KLHL3: variants seen among roughly 807,000 people sequenced by gnomAD.
KLHL3 encodes kelch-like protein 3.
In KLHL3, 19 loss-of-function variants were observed where a neutral mutation model predicts 70.5. The ratio of observed to expected loss-of-function variants is 0.27; its 90% CI spans 0.19 to 0.40. The LOEUF (loss-of-function observed/expected upper bound fraction) is 0.40, where lower values mean the gene tolerates loss of function less well. Ranked by LOEUF, KLHL3 falls within the 10% of genes least tolerant of loss-of-function variation. KLHL3 has a pLI of 1.00. For synonymous variants in KLHL3, 258 were observed against 290.3 expected (o/e 0.89, Z 1.13); for missense variants, 512 against 771.1 (o/e 0.66, Z 3.98).
In KLHL3 at chr5:137,622,196, T is replaced by C. The variant is rs140916372; in HGVS notation, c.1736-70A>G. ...ATTACTCAGAGTCCCAGTGAGTTCA[T>C]GAATCCAAGATATCCTGAGTCACAG... On this transcript the variant is annotated intron_variant, in intron 14 of 14. Coordinates refer to ENST00000309755, the MANE Select transcript of KLHL3 (RefSeq NM_017415.3). The C allele has an allele frequency of 8.1e-4, 1,254 of 1,540,338 alleles. 9 individuals are homozygous for C. The African/African-American group carries it at 0.015, about 19-fold the overall frequency.
intron 8 of KLHL3, among the ~76,000 whole-genome samples, chr5:137,657,233 G>A (rs1386989106): frequency 6.6e-6 from 1 of 152,172 alleles, no homozygotes; most frequent in African/African-American, 2.4e-5. Flanking sequence ...GGAAAGAGGA[G>A]GAGGAGGACA....
At chr5:137,673,282 C>T (rs1348420141) in intron 6 of KLHL3, among the ~76,000 whole-genome samples, 2 of 152,182 alleles carry the variant, frequency 1.3e-5, no homozygotes, top group East Asian at 3.8e-4. Flanking sequence ...TTGCAATTTC[C>T]TGTCCAGCCT....
chr5:137,730,561 G>C (rs1467903251), intron 1 of KLHL3, among the ~76,000 whole-genome samples: 1 of 152,130 alleles, frequency 6.6e-6, no homozygotes, highest in South Asian at 2.1e-4. Context: ...CTCAAGAACA[G>C]GTATGTTACT....
intron 12 of KLHL3, among the ~76,000 whole-genome samples, chr5:137,632,617 A>T (rs946516070): frequency 1.3e-5 from 2 of 152,208 alleles, no homozygotes; most frequent in Admixed American, 6.5e-5. Flanking sequence ...TATGACTAAG[A>T]TGCCAAACGG....
At chr5:137,642,877 A>C (rs1023127562) in intron 8 of KLHL3, among the ~76,000 whole-genome samples, 1 of 152,216 alleles carries the variant, frequency 6.6e-6, no homozygotes, top group African/African-American at 2.4e-5. Flanking sequence ...TAAAAAAAAA[A>C]AAAGGCAAAG....
rs1751919119 is a variant in KLHL3, at chr5:137,677,674, A to AG, written c.527-21_527-20insC. The AG allele has an allele frequency of 1.4e-6, 2 of 1,459,366 alleles. No individual in the cohort carries two copies. Among genetic ancestry groups the AG allele is most frequent in the East Asian group, 2.4e-5 (1 of 42,496 alleles). 90.4% of individuals were successfully genotyped at this position (1,459,366 alleles called of 1,614,324 possible). ...GCTGCTCTGTTCCAAAAAAAAAAAAAAGAAGTTAAGAAAACAAAGTTGTAA... is the reference window on the plus strand; with the variant it reads ...GCTGCTCTGTTCCAAAAAAAAAAAAAGAGAAGTTAAGAAAACAAAGTTGTAA... On this transcript the variant is annotated intron_variant, in intron 5 of 14. Coordinates refer to ENST00000309755, the MANE Select transcript of KLHL3 (RefSeq NM_017415.3).
intron 3 of KLHL3, chr5:137,706,295 A>C (rs541717903): frequency 4.1e-6 from 4 of 985,348 alleles, no homozygotes; most frequent in Non-Finnish European, 4.8e-6. Context: ...TCAGCCTCTT[A>C]CTCTCAGTAC....
rs1750443163 is a variant in KLHL3 at position 137,625,735 on chromosome 5, G to A, written c.1735+18C>T. 12 of 1,613,880 alleles carry A rather than the reference G, an allele frequency of 7.4e-6. No individual in the cohort carries two copies. The East Asian group carries it at 1.8e-4, about 24-fold the overall frequency. ...GTTGGAGGCCTCTCGGATGGGCATG[G>A]AGATGGCACACACTGACCTGCATAG... On this transcript the variant is annotated intron_variant, in intron 14 of 14. Transcript: ENST00000309755.
intron 6 of KLHL3, among the ~76,000 whole-genome samples, chr5:137,666,519 A>G (rs1376488289): frequency 6.6e-6 from 1 of 152,228 alleles, no homozygotes; most frequent in Non-Finnish European, 1.5e-5. Context: ...TTAAGCGGGT[A>G]GCATTTATTG....
chr5:137,679,401 A>G (rs1243502872), intron 5 of KLHL3, among the ~76,000 whole-genome samples: 3 of 152,228 alleles, frequency 2.0e-5, no homozygotes, highest in African/African-American at 4.8e-5. Flanking sequence ...AGAGTCCTGC[A>G]AACCAGCACC....
intron 5 of KLHL3, among the ~76,000 whole-genome samples, chr5:137,679,007 A>G (rs1393003358): frequency 6.6e-6 from 1 of 151,884 alleles, no homozygotes; most frequent in Non-Finnish European, 1.5e-5. Context: ...GCTTCTCTGT[A>G]TATCAAAACA....
rs1043712262 is a variant in KLHL3 at position 137,627,483 on chromosome 5, C to CG, written c.1591+813_1591+814insC. Among the ~76,000 whole-genome samples the CG allele has an allele frequency of 5.5e-5, 7 of 127,440 alleles. 1 individual carries two copies. Among genetic ancestry groups the CG allele is most frequent in the South Asian group, 6.1e-4 (2 of 3,296 alleles). 83.6% of individuals were successfully genotyped at this position (127,440 alleles called of 152,430 possible). ...TAAATTAGTAAATATCACCACCCCC[C>CG]CCCCCGGTTTACACTTCCAAGTCAG... On this transcript the variant is annotated intron_variant, in intron 13 of 14. Coordinates refer to ENST00000309755, the MANE Select transcript of KLHL3 (RefSeq NM_017415.3).
intron 5 of KLHL3, among the ~76,000 whole-genome samples, chr5:137,678,253 G>A (rs1751935139): frequency 6.6e-6 from 1 of 152,158 alleles, no homozygotes; most frequent in African/African-American, 2.4e-5. Flanking sequence ...ACTACCCCTA[G>A]GAACAGTCCA....
intron 8 of KLHL3, among the ~76,000 whole-genome samples, chr5:137,641,214 G>A (rs1317537457): frequency 3.3e-5 from 5 of 152,220 alleles, no homozygotes; most frequent in Non-Finnish European, 7.3e-5. Flanking sequence ...TGAGTGGAGA[G>A]AAAGGGTGGA....
At chr5:137,625,210 A>G (rs1376057507) in intron 14 of KLHL3, among the ~76,000 whole-genome samples, 1 of 152,244 alleles carries the variant, frequency 6.6e-6, no homozygotes, top group African/African-American at 2.4e-5. Flanking sequence ...TGTGATTGTG[A>G]TCCACCCTCA....
chr5:137,727,628 A>G (rs1157758742), intron 1 of KLHL3, among the ~76,000 whole-genome samples: 3 of 151,604 alleles, frequency 2.0e-5, no homozygotes, highest in African/African-American at 7.3e-5. Flanking sequence ...CTTATTCCCC[A>G]CTCATTCTCC....
Position 137,677,575 on chromosome 5 carries a change from G to C in KLHL3, c.606C>G (p.Ser202Arg), listed in dbSNP as rs151050480. The change falls in exon 6 of 15, where the codon AGC becomes AGG. Residue 202 changes from serine to arginine, a missense_variant. Physicochemically the swap from Ser to Arg is moderately radical, Grantham distance 110. Coordinates refer to ENST00000309755, the MANE Select transcript of KLHL3 (RefSeq NM_017415.3). The part of the protein sequence containing the change: ...SLDQVCSLIS[S>R]DKLTVSSEEK... ...CTTCTGAAGAAACGGTCAGCTTGTCGCTGGATATCAAGCTGCACACCTGGT... is the reference window on the plus strand; with the variant it reads ...CTTCTGAAGAAACGGTCAGCTTGTCCCTGGATATCAAGCTGCACACCTGGT... 1 of 1,606,822 alleles carries C rather than the reference G, an allele frequency of 6.2e-7. No homozygotes were observed. Among genetic ancestry groups the C allele is most frequent in the South Asian group, 1.1e-5 (1 of 89,840 alleles).
At chr5:137,631,085 AAAAAAG>A (rs1306711458) in intron 12 of KLHL3, among the ~76,000 whole-genome samples, 2 of 151,240 alleles carry the variant, frequency 1.3e-5, no homozygotes, top group African/African-American at 4.9e-5. Flanking sequence ...AAAAAAAAAA[AAAAAAG>A]AGAGAGAGAG....
At chr5:137,645,769 C>T (rs1751028611) in intron 8 of KLHL3, among the ~76,000 whole-genome samples, 1 of 140,814 alleles carries the variant, frequency 7.1e-6, no homozygotes, top group African/African-American at 2.7e-5. Context: ...ATCAAACTAC[C>T]AATGACATTC....
Sources: allele counts gnomAD v4.1 joint callset (sites outside exome capture counted in the v4.1 genomes callset), GRCh38; gene constraint gnomAD v4.1.1; transcripts MANE v1.5; gene names NCBI Gene and HGNC (gene_info 2026-07-23, HGNC 2026-07-21).